TRAK1: variants seen among roughly 807,000 people sequenced by gnomAD.
The protein encoded by TRAK1 is trafficking kinesin protein 1, also known as trafficking kinesin-binding protein 1.
Under a neutral mutation model 92.1 loss-of-function variants are expected in TRAK1, and 33 were observed. That is an observed-to-expected ratio of 0.36 (90% CI 0.27 to 0.48). The LOEUF (loss-of-function observed/expected upper bound fraction) is 0.48, where lower values mean the gene tolerates loss of function less well. Among genes scored for constraint, TRAK1 ranks in the 20% least tolerant of loss-of-function variants. The pLI, the probability that TRAK1 is intolerant of heterozygous loss-of-function variation, is 0.99. For synonymous variants in TRAK1, 521 were observed against 517.3 expected (o/e 1.01, Z -0.10); for missense variants, 1,123 against 1,257.9 (o/e 0.89, Z 1.62).
chr3:42,121,226 T>C (rs1036087102), intron 1 of TRAK1, among the ~76,000 whole-genome samples: 3 of 151,918 alleles, frequency 2.0e-5, no homozygotes, highest in Non-Finnish European at 4.4e-5. Flanking sequence ...TCTGGCTTGA[T>C]GTTTGGCATG....
At chr3:42,211,466 C>T (rs532270322) in intron 14 of TRAK1, 171 of 985,314 alleles carry the variant, frequency 1.7e-4, no homozygotes, top group Non-Finnish European at 2.0e-4. Flanking sequence ...AAACCAGCTG[C>T]GGTACTGTCC....
intron 3 of TRAK1, among the ~76,000 whole-genome samples, chr3:42,179,424 G>C (rs1364981889): frequency 1.3e-5 from 2 of 152,256 alleles, no homozygotes; most frequent in Non-Finnish European, 2.9e-5. Flanking sequence ...CCAGCGTGGA[G>C]AGTTCGCTTC....
chr3:42,026,150 C>A (rs1228675038), intron 1 of TRAK1, among the ~76,000 whole-genome samples: 2 of 152,020 alleles, frequency 1.3e-5, no homozygotes, highest in Admixed American at 6.6e-5. Context: ...CCTTTGAGGC[C>A]CTTTTTATTT....
At chr3:42,061,990 G>C (rs1304002363) in intron 1 of TRAK1, among the ~76,000 whole-genome samples, 1 of 152,214 alleles carries the variant, frequency 6.6e-6, no homozygotes, top group African/African-American at 2.4e-5. Flanking sequence ...GCTGTCTCGG[G>C]TGGAGGCTCT....
intron 1 of TRAK1, among the ~76,000 whole-genome samples, chr3:42,110,093 A>AGTATATATATATATAT (rs1708152422): frequency 2.7e-5 from 1 of 37,688 alleles, no homozygotes; most frequent in Non-Finnish European, 4.8e-5. Context: ...TAGAACTTAA[A>AGTATATATATATATAT]GTATATATAT....
intron 1 of TRAK1, among the ~76,000 whole-genome samples, chr3:42,043,323 C>G (rs537897499): frequency 9.2e-5 from 14 of 152,084 alleles, no homozygotes; most frequent in African/African-American, 3.1e-4. Context: ...GCATTCCTCT[C>G]TTTCCTATCC....
chr3:42,159,044 T>C (rs966576556), intron 2 of TRAK1, among the ~76,000 whole-genome samples: 13 of 151,716 alleles, frequency 8.6e-5, no homozygotes, highest in Non-Finnish European at 7.4e-5. Context: ...ATAAAATCTT[T>C]ATTATCTCTG....
At chr3:42,065,800 T>C (rs1703651527) in intron 1 of TRAK1, among the ~76,000 whole-genome samples, 1 of 152,010 alleles carries the variant, frequency 6.6e-6, no homozygotes, top group Admixed American at 6.6e-5. Flanking sequence ...TGTCTCATTC[T>C]TAATTTTTTT....
At chr3:42,220,920 T>C (rs913288438) in intron 15 of TRAK1, among the ~76,000 whole-genome samples, 2 of 152,146 alleles carry the variant, frequency 1.3e-5, no homozygotes, top group Non-Finnish European at 2.9e-5. Context: ...TTCAAAACCA[T>C]GGAACCAAGC....
intron 14 of TRAK1, chr3:42,211,339 T>G: frequency 1.0e-6 from 1 of 985,490 alleles, no homozygotes; most frequent in Non-Finnish European, 1.2e-6. Context: ...TCATGTGATT[T>G]GTTTAGCACA....
chr3:42,159,192 C>T (rs1700949437), intron 2 of TRAK1, among the ~76,000 whole-genome samples: 3 of 152,144 alleles, frequency 2.0e-5, no homozygotes, highest in Admixed American at 1.3e-4. Flanking sequence ...ATATGGTTCC[C>T]GAACTTGTGT....
rs1035364756 is a variant in TRAK1 at position 42,211,391 on chromosome 3, A to G, written c.1963+1406A>G. The G allele has an allele frequency of 3.0e-6, 3 of 985,146 alleles. No individual in the cohort carries two copies. The African/African-American group carries it at 5.2e-5, about 17-fold the overall frequency. 61.0% of individuals were successfully genotyped at this position (985,146 alleles called of 1,614,324 possible). On this transcript the variant is annotated intron_variant, in intron 14 of 15. Transcript: ENST00000327628. Reference sequence around the variant, plus strand: ...TTGATTTTTTTTAGGCAGTTATATTACTAGATTAAGCTTGTGAGGGAATGA... The same window carrying G: ...TTGATTTTTTTTAGGCAGTTATATTGCTAGATTAAGCTTGTGAGGGAATGA...
intron 3 of TRAK1, among the ~76,000 whole-genome samples, chr3:42,180,648 C>T (rs544462011): frequency 2.4e-4 from 33 of 136,840 alleles, no homozygotes; most frequent in African/African-American, 8.0e-4. Context: ...CACTGCACTC[C>T]GGCCTAGGCG....
At chr3:42,076,814 A>G (rs1243070154) in intron 1 of TRAK1, among the ~76,000 whole-genome samples, 5 of 152,094 alleles carry the variant, frequency 3.3e-5, no homozygotes, top group African/African-American at 9.7e-5. Flanking sequence ...TTTATGTGGC[A>G]GAAGGAAGGG....
intron 1 of TRAK1, among the ~76,000 whole-genome samples, chr3:42,100,271 G>A (rs186091119): frequency 6.6e-6 from 1 of 152,352 alleles, no homozygotes; most frequent in Admixed American, 6.5e-5. Flanking sequence ...GGAGGCTGAG[G>A]TGGGAGGATC....
At chr3:42,145,258 G>A (rs1009362438) in intron 2 of TRAK1, among the ~76,000 whole-genome samples, 3 of 152,342 alleles carry the variant, frequency 2.0e-5, no homozygotes, top group African/African-American at 7.2e-5. Context: ...GCCAAGGTGG[G>A]CAGATCACTT....
At chr3:42,028,901 A>G (rs1443420101) in intron 1 of TRAK1, among the ~76,000 whole-genome samples, 6 of 152,200 alleles carry the variant, frequency 3.9e-5, no homozygotes, top group African/African-American at 9.7e-5. Flanking sequence ...CTATTCTCAC[A>G]TGGCTATAAA....
chr3:42,160,649 C>T (rs1470533824), intron 2 of TRAK1, among the ~76,000 whole-genome samples: 1 of 151,768 alleles, frequency 6.6e-6, no homozygotes, highest in Non-Finnish European at 1.5e-5. Context: ...CCCACCCCCT[C>T]ACCCAGAGAA....
rs770597246 is a variant in TRAK1, at chr3:42,224,232, G to A, written c.*495G>A. 22 of 366,346 alleles carry A rather than the reference G, an allele frequency of 6.0e-5. No homozygotes were observed. Among genetic ancestry groups the A allele is most frequent in the Non-Finnish European group, 8.4e-5 (16 of 190,160 alleles). The allele number at this position is 366,346 out of a possible 1,614,324, so 22.7% of individuals were successfully genotyped here. On this transcript the variant is annotated 3_prime_UTR_variant, in exon 16 of 16. Coordinates refer to ENST00000327628, the MANE Select transcript of TRAK1 (RefSeq NM_001042646.3). The stretch of plus-strand genomic sequence containing the variant: ...GTAAGGAGCCTCCATCCTCAGCCAC[G>A]TGCAGCTGACGTGGCTTTCCTGATC...
Sources: allele counts gnomAD v4.1 joint callset (sites outside exome capture counted in the v4.1 genomes callset), GRCh38; gene constraint gnomAD v4.1.1; transcripts MANE v1.5; gene names NCBI Gene and HGNC (gene_info 2026-07-23, HGNC 2026-07-21).